PLCB3: variants seen among roughly 807,000 people sequenced by gnomAD.
The protein encoded by PLCB3 is 1-phosphatidylinositol 4,5-bisphosphate phosphodiesterase beta-3.
In PLCB3, 54 loss-of-function variants were observed where a neutral mutation model predicts 152.1. The observed-to-expected ratio is 0.36, with a 90% CI of 0.29 to 0.45. PLCB3 has a LOEUF of 0.45. Among genes scored for constraint, PLCB3 ranks in the 20% least tolerant of loss-of-function variants. PLCB3 has a pLI of 1.00. For synonymous variants in PLCB3, 717 were observed against 698.7 expected, an observed-to-expected ratio of 1.03 and a Z score of -0.41; for missense variants, 1,248 against 1,687.5, an observed-to-expected ratio of 0.74 and a Z score of 4.56.
intron 15 of PLCB3, 39 bp downstream of exon 15, chr11:64,261,535 G>GCTCAGCCCTGCCAGGTCTGACGCCCTTT: frequency 6.2e-7 from 1 of 1,608,250 alleles, no homozygotes; most frequent in Non-Finnish European, 8.5e-7. Context: ...AGCTTGCCCA[G>GCTCAGCCCTGCCAGGTCTGACGCCCTTT]CTCAGCCCTG....
At position 64,254,509 on chromosome 11, in the gene PLCB3, G is replaced by A; in HGVS notation, c.177+17G>A. On this transcript the variant is annotated intron_variant, in intron 2 of 30. Coordinates refer to ENST00000279230, the MANE Select transcript of PLCB3 (RefSeq NM_000932.5). ...CCCAACATGGTGAGGGTGGGCGCTG[G>A]TGCAGCTCGCTCAGGCCAAGGACCC... The A allele has an allele frequency of 6.2e-7, 1 of 1,611,506 alleles. No individual in the cohort carries two copies.
At chr11:64,252,054 G>T (rs781455394) in intron 1 of PLCB3, among the ~76,000 whole-genome samples, 1 of 151,802 alleles carries the variant, frequency 6.6e-6, no homozygotes, top group Non-Finnish European at 1.5e-5. Flanking sequence ...ACTAATTCTC[G>T]TTCCCCGATC....
rs145650860 is a variant in PLCB3, at chr11:64,265,367, G to A, written c.2900G>A (p.Arg967Gln). Reference protein sequence around the residue: ...LRGHKALVKLRSRQERDLREL... With the variant: ...LRGHKALVKLQSRQERDLREL... The stretch of plus-strand genomic sequence containing the variant: ...GGTCACAAGGCTCTGGTCAAGCTCC[G>A]GAGCCGGCAAGAGCGAGACCTGCGG... The change falls in exon 25 of 31, where the codon CGG (arginine) becomes CAG (glutamine). Residue 967 changes from arginine to glutamine, a missense_variant. Around this residue, in one of 6 missense-constraint regions of PLCB3, gnomAD observed 477 missense variants for 489.6 expected, o/e 0.97. Coordinates refer to ENST00000279230, the MANE Select transcript of PLCB3 (RefSeq NM_000932.5). The A allele has an allele frequency of 2.5e-5, 40 of 1,611,412 alleles. No individual in the cohort carries two copies. The highest frequency in any genetic ancestry group is 1.6e-4 in the Middle Eastern group (1 of 6,074).
Position 64,267,277 on chromosome 11 carries a change from G to A in PLCB3, c.3501+6G>A. ...TGGCAGAAGAGGAGCCCAAGGTGAGGCCATGGGCGAACAGGTGGGCAGACG... is the reference window on the plus strand; with the variant it reads ...TGGCAGAAGAGGAGCCCAAGGTGAGACCATGGGCGAACAGGTGGGCAGACG... On this transcript the variant is annotated splice_donor_region_variant and intron_variant, in intron 30 of 30. Coordinates refer to ENST00000279230, the MANE Select transcript of PLCB3 (RefSeq NM_000932.5). This position sits in a 1 kb window ranked among gnomAD's most constrained non-coding sequence, Gnocchi z 5.2. 1 of 1,550,842 alleles carries A rather than the reference G, an allele frequency of 6.4e-7. No homozygotes were observed. The highest frequency in any genetic ancestry group is 8.7e-7 in the Non-Finnish European group (1 of 1,146,848).
At chr11:64,265,145 A>C (rs780729770) in intron 23 of PLCB3, 41 bp downstream of exon 23, 2 of 1,543,988 alleles carry the variant, frequency 1.3e-6, no homozygotes, top group Admixed American at 3.7e-5. Flanking sequence ...GCAGGGAGGC[A>C]CCCCCCACCC....
At position 64,254,485 on chromosome 11, in the gene PLCB3, C is replaced by G; in HGVS notation, c.170C>G (p.Pro57Arg). The stretch of plus-strand genomic sequence containing the variant: ...GGCTTCTTCTTGTACTGGACGGGCC[C>G]CAACATGGTGAGGGTGGGCGCTGGT... ...PNGFFLYWTG[P>R]NMEVDTLDIS... is the part of the protein sequence containing the mutation. Residue 57 changes from proline to arginine, a missense_variant, in exon 2 of 31, where the codon CCC becomes CGC. By Grantham distance (103) the Pro-to-Arg change is moderately radical (BLOSUM62 -2). Around this residue, in one of 6 missense-constraint regions of PLCB3, gnomAD observed 299 missense variants for 434.7 expected, o/e 0.69. Transcript: ENST00000279230. 1 of 1,613,790 alleles carries G rather than the reference C, an allele frequency of 6.2e-7. No homozygotes were observed.
In PLCB3 at chr11:64,258,756, G is replaced by C; in HGVS notation, c.1253+43G>C. On this transcript the variant is annotated intron_variant, in intron 11 of 30. Transcript: ENST00000279230. This position sits in a 1 kb window ranked among gnomAD's most constrained non-coding sequence, Gnocchi z 7.2. ...ATGAAACCCCATGGACCGGGGGACAGTCTTCCAGCTTCAGTGCTGTTGGAC... is the reference window on the plus strand; with the variant it reads ...ATGAAACCCCATGGACCGGGGGACACTCTTCCAGCTTCAGTGCTGTTGGAC... 2 of 1,610,096 alleles carry C rather than the reference G, an allele frequency of 1.2e-6. No individual in the cohort carries two copies. The highest frequency in any genetic ancestry group is 1.7e-6 in the Non-Finnish European group (2 of 1,177,372).
Position 64,255,194 on chromosome 11 carries a change from T to G in PLCB3, c.388-40T>G. ...GGGTTGTGGCTGGGCAGCCCCTGTGTCCCCCACTCACCGCCTCCCCGTGTA... is the reference window on the plus strand; with the variant it reads ...GGGTTGTGGCTGGGCAGCCCCTGTGGCCCCCACTCACCGCCTCCCCGTGTA... On this transcript the variant is annotated intron_variant, in intron 4 of 30. Transcript: ENST00000279230. The surrounding 1 kb of genome is among the most constrained non-coding windows in gnomAD (Gnocchi z 6.8). 1 of 1,561,388 alleles carries G rather than the reference T, an allele frequency of 6.4e-7. No individual in the cohort carries two copies. Among genetic ancestry groups the G allele is most frequent in the Non-Finnish European group, 8.8e-7 (1 of 1,134,164 alleles).
At chr11:64,252,745 TTTC>T (rs1207893163) in intron 1 of PLCB3, among the ~76,000 whole-genome samples, 2 of 151,954 alleles carry the variant, frequency 1.3e-5, no homozygotes, top group African/African-American at 4.8e-5. Flanking sequence ...AAGGGAAAAG[TTTC>T]TTCTTTTCAT....
At chr11:64,252,561 G>C (rs1410771903) in intron 1 of PLCB3, among the ~76,000 whole-genome samples, 3 of 152,208 alleles carry the variant, frequency 2.0e-5, no homozygotes, top group African/African-American at 7.2e-5. Context: ...CTCCTTCCCA[G>C]TCAGGCCACG....
At chr11:64,256,582 A>C (rs1391508087) in intron 9 of PLCB3, 36 bp from the exon 10 acceptor site, 2 of 1,613,158 alleles carry the variant, frequency 1.2e-6, no homozygotes, top group South Asian at 2.2e-5. Context: ...GGCAGGTGGG[A>C]CCCCAGCTGA....
Position 64,255,693 on chromosome 11 carries a change from T to A in PLCB3, c.598-28T>A. 6.2e-7 allele frequency: 1 copy of A among 1,610,952 alleles called. No individual in the cohort carries two copies. Among genetic ancestry groups the A allele is most frequent in the Non-Finnish European group, 8.5e-7 (1 of 1,177,508 alleles). On this transcript the variant is annotated intron_variant, in intron 7 of 30. Coordinates refer to ENST00000279230, the MANE Select transcript of PLCB3 (RefSeq NM_000932.5). The surrounding 1 kb of genome is among the most constrained non-coding windows in gnomAD (Gnocchi z 6.8). Reference sequence around the variant, plus strand: ...CCTTACGGGGCTGCCCGCCCCTGGCTTCTCACCCCACACTCCTCGACCTCC... The same window carrying A: ...CCTTACGGGGCTGCCCGCCCCTGGCATCTCACCCCACACTCCTCGACCTCC...
In PLCB3 at chr11:64,254,510, T is replaced by C. The variant is rs766627412; in HGVS notation, c.177+18T>C. 2 of 1,610,826 alleles carry C rather than the reference T, an allele frequency of 1.2e-6. No individual in the cohort carries two copies. The highest frequency in any genetic ancestry group is 2.7e-5 in the African/African-American group (2 of 74,992). Reference sequence around the variant, plus strand: ...CCAACATGGTGAGGGTGGGCGCTGGTGCAGCTCGCTCAGGCCAAGGACCCC... The same window carrying C: ...CCAACATGGTGAGGGTGGGCGCTGGCGCAGCTCGCTCAGGCCAAGGACCCC... On this transcript the variant is annotated intron_variant, in intron 2 of 30. Coordinates refer to ENST00000279230, the MANE Select transcript of PLCB3 (RefSeq NM_000932.5).
intron 14 of PLCB3, 122 bp from the exon 15 acceptor site, chr11:64,261,278 C>A: frequency 1.3e-6 from 1 of 753,676 alleles, no homozygotes; most frequent in Non-Finnish European, 2.4e-6. Flanking sequence ...AGACTGTCGG[C>A]ACCACCAGCA....
rs372712260 is a variant in PLCB3 at position 64,263,702 on chromosome 11, G to A, written c.2467G>A (p.Val823Ile). 2.4e-5 allele frequency: 39 copies of A among 1,613,366 alleles called. No individual in the cohort carries two copies. Among genetic ancestry groups the A allele is most frequent in the Non-Finnish European group, 3.2e-5 (38 of 1,179,924 alleles). ...VSAIRSGYHY[V>I]CLRNEANQPL... ...TCCTGACCACCCAGGATACCACTAC[G>A]TCTGCCTGCGGAACGAGGCCAACCA... The change falls in exon 21 of 31, where the codon GTC becomes ATC. Residue 823 changes from valine (V) to isoleucine (I), a missense_variant. By Grantham distance (29) the Val-to-Ile change is conservative (BLOSUM62 3). Coordinates refer to ENST00000279230, the MANE Select transcript of PLCB3 (RefSeq NM_000932.5).
At chr11:64,261,274 T>C (rs142914975) in intron 14 of PLCB3, 126 bp from the exon 15 acceptor site, 11 of 737,638 alleles carry the variant, frequency 1.5e-5, no homozygotes, top group South Asian at 3.0e-5. Context: ...GAGAAGACTG[T>C]CGGCACCACC....
intron 1 of PLCB3, among the ~76,000 whole-genome samples, chr11:64,252,969 G>A (rs2135036020): frequency 6.6e-6 from 1 of 152,314 alleles, no homozygotes; most frequent in East Asian, 1.9e-4. Flanking sequence ...TCAGGCCCAG[G>A]GTAGGGTTGG....
At position 64,261,433 on chromosome 11, in the gene PLCB3, G is replaced by A; in HGVS notation, c.1765G>A (p.Glu589Lys). 6.2e-7 allele frequency: 1 copy of A among 1,614,156 alleles called. No homozygotes were observed. The highest frequency in any genetic ancestry group is 8.5e-7 in the Non-Finnish European group (1 of 1,179,996). Reference protein sequence around the residue: ...TASSEVNATEEMSTLVNYIEP... With the variant: ...TASSEVNATEKMSTLVNYIEP... Reference sequence around the variant, plus strand: ...CAGCAGCGAGGTGAATGCCACTGAGGAGATGTCCACGCTTGTCAACTACAT... The same window carrying A: ...CAGCAGCGAGGTGAATGCCACTGAGAAGATGTCCACGCTTGTCAACTACAT... Residue 589 changes from glutamate (E) to lysine (K), a missense_variant, in exon 15 of 31, where the codon GAG (glutamate) becomes AAG (lysine). Around this residue, in one of 6 missense-constraint regions of PLCB3, gnomAD observed 244 missense variants for 424.4 expected, o/e 0.57. Transcript: ENST00000279230.
intron 22 of PLCB3, 63 bp downstream of exon 22, chr11:64,264,175 C>T: frequency 1.8e-6 from 2 of 1,121,684 alleles, no homozygotes; most frequent in South Asian, 1.6e-5. Context: ...GACATGACTG[C>T]TGTGGCCACA....
Sources: gnomAD v4.1 joint callset for allele counts (sites outside exome capture counted in the v4.1 genomes callset) on GRCh38, gnomAD v4.1.1 for gene constraint, gnomAD v4.1.1 regional missense constraint, Gnocchi (gnomAD v3.1) non-coding constraint, MANE v1.5 for transcripts, NCBI Gene and HGNC (gene_info 2026-07-23, HGNC 2026-07-21) for gene names.